The following EDARADD variants were observed in gnomAD, a reference collection of about 807,000 sequenced individuals.
The protein encoded by EDARADD is EDAR associated via death domain, also known as ectodysplasin-A receptor-associated adapter protein.
Under a neutral mutation model 25.6 loss-of-function variants are expected in EDARADD, and 20 were observed. The ratio of observed to expected loss-of-function variants is 0.78; its 90% CI spans 0.55 to 1.14. The LOEUF is 1.14. EDARADD is among the 50% of genes most tolerant of loss of function. The probability of loss-of-function intolerance (pLI) is 0.00; values close to 1 mark genes in which losing one functional copy is unlikely to be tolerated. For synonymous variants in EDARADD, 86 were observed against 94.4 expected (o/e 0.91, Z 0.52); for missense variants, 225 against 270.1 (o/e 0.83, Z 1.17).
upstream of EDARADD, among the ~76,000 whole-genome samples, chr1:236,391,538 A>G (rs1572122748): frequency 1.3e-5 from 2 of 152,234 alleles, no homozygotes; most frequent in East Asian, 3.8e-4. Flanking sequence ...ATATTTTACC[A>G]TCGTGGTTCT....
At chr1:236,424,547 G>A (rs998263433) in intron 3 of EDARADD, among the ~76,000 whole-genome samples, 5 of 152,068 alleles carry the variant, frequency 3.3e-5, no homozygotes, top group Admixed American at 3.3e-4. Flanking sequence ...GGCAGGGGCA[G>A]TCTTCTCTAC....
intron 2 of EDARADD, among the ~76,000 whole-genome samples, chr1:236,410,802 C>T (rs191309837): frequency 6.6e-6 from 1 of 152,274 alleles, no homozygotes; most frequent in African/African-American, 2.4e-5. Context: ...TCTTGCGGAC[C>T]TGAGGTGTTT....
intron 5 of EDARADD, among the ~76,000 whole-genome samples, chr1:236,472,462 G>T (rs1049487618): frequency 1.3e-5 from 2 of 152,122 alleles, no homozygotes; most frequent in Non-Finnish European, 2.9e-5. Context: ...TTCCCTGGGG[G>T]TTTGGTGGGG....
chr1:236,375,269 C>T (rs1023283673), intron 3 of EDARADD, among the ~76,000 whole-genome samples: 5 of 152,078 alleles, frequency 3.3e-5, no homozygotes, highest in Non-Finnish European at 5.9e-5. Context: ...CATAAGCATA[C>T]GTAAATATAT....
intron 4 of EDARADD, among the ~76,000 whole-genome samples, chr1:236,430,914 A>G (rs1189903742): frequency 1.3e-5 from 2 of 152,154 alleles, no homozygotes; most frequent in African/African-American, 4.8e-5. Context: ...TCAGGAGTTT[A>G]AGACCAGCCT....
At chr1:236,393,943 G>T (rs1667466622), upstream of EDARADD, among the ~76,000 whole-genome samples, 1 of 151,674 alleles carries the variant, frequency 6.6e-6, no homozygotes, top group African/African-American at 2.4e-5. Flanking sequence ...TAGGAAAGGA[G>T]GCACGAGGAA....
chr1:236,369,149 G>C (rs1343128404), intron 3 of EDARADD, among the ~76,000 whole-genome samples: 6 of 152,104 alleles, frequency 3.9e-5, no homozygotes, highest in Non-Finnish European at 1.5e-5. Context: ...CTCCAAATTT[G>C]CTATTCTTCT....
chr1:236,395,797 A>G lies in EDARADD; in HGVS notation c.61+1292A>G. On this transcript the variant is annotated intron_variant, in intron 1 of 5. Transcript: ENST00000334232. This position sits in a 1 kb window ranked among gnomAD's most constrained non-coding sequence, Gnocchi z 6.9. Reference sequence around the variant, plus strand: ...GAGGGAGGCCCGGGAACCACCCCCGACCCAGGCGCCAGACCCGGAGTCGCA... The same window carrying G: ...GAGGGAGGCCCGGGAACCACCCCCGGCCCAGGCGCCAGACCCGGAGTCGCA... 1 of 800,520 alleles carries G rather than the reference A, an allele frequency of 1.2e-6. No homozygotes were observed. The highest frequency in any genetic ancestry group is 1.8e-6 in the Non-Finnish European group (1 of 555,942). 49.6% of individuals were successfully genotyped at this position (800,520 alleles called of 1,614,324 possible). A position where few individuals can be genotyped will look rare whatever the true frequency, so the allele number is the denominator to read the frequency against.
chr1:236,450,544 C>T (rs1416009221), intron 4 of EDARADD, among the ~76,000 whole-genome samples: 1 of 140,166 alleles, frequency 7.1e-6, no homozygotes, highest in Non-Finnish European at 1.5e-5. Flanking sequence ...CTTCTCCCCC[C>T]AACCCCCCCT....
intron 3 of EDARADD, among the ~76,000 whole-genome samples, chr1:236,382,953 A>T (rs1024134005): frequency 6.6e-6 from 1 of 151,998 alleles, no homozygotes; most frequent in Non-Finnish European, 1.5e-5. Context: ...ATCTCTTAGG[A>T]TCTCTCTGGG....
chr1:236,435,097 T>C (rs1658205519), intron 4 of EDARADD, among the ~76,000 whole-genome samples: 1 of 152,168 alleles, frequency 6.6e-6, no homozygotes, highest in Admixed American at 6.5e-5. Flanking sequence ...TTAGGATTCA[T>C]GCATTGGGAG....
In EDARADD at chr1:236,483,354, A is replaced by C. The variant is rs2103043223; in HGVS notation, c.*705A>C. ...TCGCTATATGGGGAAGGGTGTCTCAAAGCCTGTTGAGCCCATCAATAAAAC... is the reference window on the plus strand; with the variant it reads ...TCGCTATATGGGGAAGGGTGTCTCACAGCCTGTTGAGCCCATCAATAAAAC... On this transcript the variant is annotated 3_prime_UTR_variant, in exon 6 of 6. Transcript: ENST00000334232. 1 of 1,553,050 alleles carries C rather than the reference A, an allele frequency of 6.4e-7. No homozygotes were observed. Among genetic ancestry groups the C allele is most frequent in the East Asian group, 2.2e-5 (1 of 44,500 alleles).
intron 3 of EDARADD, among the ~76,000 whole-genome samples, chr1:236,416,458 GT>G (rs1184092110): frequency 6.6e-6 from 1 of 152,102 alleles, no homozygotes; most frequent in Non-Finnish European, 1.5e-5. Flanking sequence ...GTGATTTCCT[GT>G]TTTGAAAGAA....
intron 1 of EDARADD, among the ~76,000 whole-genome samples, chr1:236,408,698 G>C (rs1667781030): frequency 6.6e-6 from 1 of 151,942 alleles, no homozygotes; most frequent in Non-Finnish European, 1.5e-5. Context: ...AGCTATGATT[G>C]TGCCACTGAG....
intron 2 of EDARADD, among the ~76,000 whole-genome samples, chr1:236,413,276 G>A (rs1171043514): frequency 1.3e-5 from 2 of 152,216 alleles, no homozygotes; most frequent in Non-Finnish European, 2.9e-5. Context: ...ACTATTCTGT[G>A]TGATTAATTT....
chr1:236,418,593 C>T (rs561064209), intron 3 of EDARADD, among the ~76,000 whole-genome samples: 1 of 152,188 alleles, frequency 6.6e-6, no homozygotes, highest in African/African-American at 2.4e-5. Context: ...GGAACTTGAA[C>T]TTAAATATAG....
intron 5 of EDARADD, among the ~76,000 whole-genome samples, chr1:236,477,829 G>A (rs1056223649): frequency 7.2e-5 from 11 of 151,996 alleles, no homozygotes; most frequent in Non-Finnish European, 1.2e-4. Flanking sequence ...ATGACCGGGC[G>A]CGGTGGCTCA....
intron 4 of EDARADD, among the ~76,000 whole-genome samples, chr1:236,428,663 C>T (rs568131349): frequency 1.7e-5 from 2 of 119,846 alleles, no homozygotes; most frequent in Admixed American, 1.7e-4. Flanking sequence ...GGATGGCGGC[C>T]GGGAAGAGGC....
chr1:236,386,871 T>G (rs1292303086), intron 3 of EDARADD, among the ~76,000 whole-genome samples: 26 of 44,116 alleles, frequency 5.9e-4, no homozygotes, highest in Non-Finnish European at 7.5e-4. Flanking sequence ...GGGAGGGAGG[T>G]GGGGGGTCAG....
Sources: gnomAD v4.1 joint callset for allele counts (sites outside exome capture counted in the v4.1 genomes callset) on GRCh38, gnomAD v4.1.1 for gene constraint, Gnocchi (gnomAD v3.1) non-coding constraint, MANE v1.5 for transcripts, NCBI Gene and HGNC (gene_info 2026-07-23, HGNC 2026-07-21) for gene names.